Variants in CCNE2 observed in about 807,000 individuals in gnomAD.
CCNE2 encodes G1/S-specific cyclin-E2.
CCNE2 carries 18 observed loss-of-function variants against 56.8 expected under a neutral mutation model. The ratio of observed to expected loss-of-function variants is 0.32; its 90% CI spans 0.22 to 0.47. CCNE2 has a LOEUF of 0.47. Among genes scored for constraint, CCNE2 ranks in the 20% least tolerant of loss-of-function variants. The pLI, the probability that CCNE2 is intolerant of heterozygous loss-of-function variation, is 1.00. For missense variants in CCNE2, 371 were observed against 467.1 expected, an observed-to-expected ratio of 0.79 and a Z score of 1.90; for synonymous variants, 139 against 149.2, an observed-to-expected ratio of 0.93 and a Z score of 0.50.
At chr8:94,892,493 A>T (rs141973414) in intron 5 of CCNE2, among the ~76,000 whole-genome samples, 3 of 152,368 alleles carry the variant, frequency 2.0e-5, no homozygotes, top group Admixed American at 6.5e-5. Flanking sequence ...TTTGAGTTGA[A>T]GCTGCAAGAA....
At chr8:94,885,694 G>T in intron 7 of CCNE2, 136 bp from the exon 8 acceptor site, 14 of 364,820 alleles carry the variant, frequency 3.8e-5, no homozygotes, top group East Asian at 9.9e-5. Flanking sequence ...TTTTCTTGGA[G>T]AAATAAGCAA....
intron 1 of CCNE2, 85 bp from the exon 2 acceptor site, chr8:94,894,332 A>C (rs1343578487): frequency 3.7e-6 from 5 of 1,353,106 alleles, no homozygotes; most frequent in Non-Finnish European, 5.2e-6. Context: ...TTCGCAGGTG[A>C]AAGCTCAGTC....
intron 9 of CCNE2, among the ~76,000 whole-genome samples, chr8:94,883,346 A>C (rs1816905773): frequency 6.6e-6 from 1 of 152,144 alleles, no homozygotes; most frequent in South Asian, 2.1e-4. Flanking sequence ...ACAGTGTGAC[A>C]TGTACTAGCA....
Position 94,885,528 on chromosome 8 carries a change from C to A in CCNE2, c.631G>T (p.Ala211Ser). 6.2e-7 allele frequency: 1 copy of A among 1,608,220 alleles called. No homozygotes were observed. The highest frequency in any genetic ancestry group is 8.5e-7 in the Non-Finnish European group (1 of 1,175,658). ...CTGCAAGCACCATCAGTGACGTAAGCAAACTCTTGGAGTTTAGGAGCATAG... is the reference window on the plus strand; with the variant it reads ...CTGCAAGCACCATCAGTGACGTAAGAAAACTCTTGGAGTTTAGGAGCATAG... ...EIYAPKLQEF[A>S]YVTDGACSEE... The change falls in exon 8 of 12, where the codon GCT becomes TCT. Residue 211 changes from alanine to serine, a missense_variant. Transcript: ENST00000308108.
intron 9 of CCNE2, among the ~76,000 whole-genome samples, chr8:94,883,147 G>A (rs562185731): frequency 2.6e-5 from 4 of 152,202 alleles, no homozygotes; most frequent in African/African-American, 4.8e-5. Context: ...TTGGTGGCAC[G>A]CGCCTGTAGT....
upstream of CCNE2, among the ~76,000 whole-genome samples, chr8:94,895,427 G>C (rs1170484200): frequency 1.3e-5 from 2 of 152,126 alleles, no homozygotes; most frequent in Non-Finnish European, 2.9e-5. Flanking sequence ...GGCGCGGCCG[G>C]CGGCGGTAGG....
chr8:94,887,807 A>G (rs1309975869), intron 7 of CCNE2, 120 bp downstream of exon 7: 1 of 599,940 alleles, frequency 1.7e-6, no homozygotes, highest in Non-Finnish European at 2.8e-6. Context: ...GTACTGAGAA[A>G]CAAAAACATT....
At chr8:94,885,607 T>C (rs1454013479) in intron 7 of CCNE2, 49 bp from the exon 8 acceptor site, 1 of 1,153,152 alleles carries the variant, frequency 8.7e-7, no homozygotes, top group East Asian at 2.4e-5. Context: ...AGAAATTAAT[T>C]ACAAATGTTC....
At chr8:94,883,287 A>C (rs545823363) in intron 9 of CCNE2, among the ~76,000 whole-genome samples, 48 of 152,140 alleles carry the variant, frequency 3.2e-4, no homozygotes, top group African/African-American at 1.1e-3. Flanking sequence ...AAAAAAAAAA[A>C]AACAAGCCAC....
At chr8:94,895,362 A>G, upstream of CCNE2, 1 of 613,238 alleles carries the variant, frequency 1.6e-6, no homozygotes, top group Non-Finnish European at 2.0e-6. Context: ...CGCCACCCGG[A>G]GCGGCCGTGG....
chr8:94,890,230 G>A (rs938889921), intron 6 of CCNE2, among the ~76,000 whole-genome samples, 185 bp downstream of exon 6: 1 of 152,168 alleles, frequency 6.6e-6, no homozygotes, highest in Non-Finnish European at 1.5e-5. Flanking sequence ...TAGTAGCTTT[G>A]TCATGGTTTT....
At position 94,885,128 on chromosome 8, in the gene CCNE2, T is replaced by G; in HGVS notation, c.770A>C (p.Lys257Thr). The change falls in exon 9 of 12, where the codon AAA becomes ACA. Residue 257 changes from lysine (K) to threonine (T), a missense_variant. Lys to Thr is a moderately conservative substitution (Grantham distance 78). Coordinates refer to ENST00000308108, the MANE Select transcript of CCNE2 (RefSeq NM_057749.3). ...LNLFLQVDAL[K>T]DAPKVLLPQY... ...AGGTAGAAGAACTTTAGGAGCATCT[T>G]TAAGAGCATCAACTTGGAGAAAGAG... is the stretch of plus-strand genomic sequence containing the variant. 6.2e-7 allele frequency: 1 copy of G among 1,613,372 alleles called. No individual in the cohort carries two copies. Among genetic ancestry groups the G allele is most frequent in the Non-Finnish European group, 8.5e-7 (1 of 1,179,454 alleles).
intron 9 of CCNE2, chr8:94,884,582 G>T (rs996788043): frequency 6.5e-6 from 1 of 154,290 alleles, no homozygotes; most frequent in Admixed American, 6.5e-5. Flanking sequence ...GAGCCACAGT[G>T]CCCGGCCAGA....
At chr8:94,888,620 G>A (rs889140478) in intron 6 of CCNE2, among the ~76,000 whole-genome samples, 1 of 151,868 alleles carries the variant, frequency 6.6e-6, no homozygotes, top group Non-Finnish European at 1.5e-5. Flanking sequence ...TGCCTCCCAG[G>A]TTCAGGCGAT....
At chr8:94,882,060 T>C (rs1816838591) in intron 11 of CCNE2, 72 bp downstream of exon 11, 1 of 1,432,502 alleles carries the variant, frequency 7.0e-7, no homozygotes, top group Admixed American at 2.0e-5. Context: ...AGGAGTACTC[T>C]ATTCCTACCA....
chr8:94,888,745 CA>C lies in CCNE2; in HGVS notation c.454-673del, dbSNP rs1817124006. ...TTTGCCATGTTGGCCAGGCTGGTCTCAAACTCCTGGCTTCAACTGATCTGCC... is the reference window on the plus strand; with the variant it reads ...TTTGCCATGTTGGCCAGGCTGGTCTCAACTCCTGGCTTCAACTGATCTGCC... On this transcript the variant is annotated intron_variant, in intron 6 of 11. Transcript: ENST00000308108. 7.2e-5 allele frequency among the ~76,000 whole-genome samples: 11 copies of C among 152,180 alleles called. 1 individual carries two copies. In the South Asian group the frequency reaches 2.3e-3, roughly 32 times the overall value.
chr8:94,886,473 G>A (rs1233618421), intron 7 of CCNE2, among the ~76,000 whole-genome samples: 19 of 152,198 alleles, frequency 1.2e-4, no homozygotes, highest in African/African-American at 3.9e-4. Flanking sequence ...TTGGGAGGTC[G>A]AGGTAGGAGG....
chr8:94,891,804 CA>C, intron 5 of CCNE2: 2 of 1,533,402 alleles, frequency 1.3e-6, no homozygotes, highest in Non-Finnish European at 1.8e-6. Context: ...GTTGGTGGCC[CA>C]AAAAGAGTGC....
Position 94,885,573 on chromosome 8 carries a change from AT to A in CCNE2, c.601-16del. 1 of 1,440,526 alleles carries A rather than the reference AT, an allele frequency of 6.9e-7. No individual in the cohort carries two copies. 89.2% of individuals were successfully genotyped at this position (1,440,526 alleles called of 1,614,324 possible). ...GCATAGATTTCCTTTAAATTGTAAT[AT>A]TTTTATTGAGTACAATTGAGATAGA... On this transcript the variant is annotated splice_polypyrimidine_tract_variant and intron_variant, in intron 7 of 11. Transcript: ENST00000308108.
Sources: allele counts gnomAD v4.1 joint callset (sites outside exome capture counted in the v4.1 genomes callset), GRCh38; gene constraint gnomAD v4.1.1; transcripts MANE v1.5; gene names NCBI Gene and HGNC (gene_info 2026-07-23, HGNC 2026-07-21).